The following NEB variants were observed in gnomAD, a reference collection of about 807,000 sequenced individuals.
NEB encodes nebulin.
Under a neutral mutation model 952.2 loss-of-function variants are expected in NEB, and 512 were observed. The observed-to-expected ratio is 0.54, with a 90% confidence interval of 0.50 to 0.58. The LOEUF (loss-of-function observed/expected upper bound fraction) is 0.58. Among genes scored for constraint, NEB ranks in the 20% least tolerant of loss-of-function variants. The pLI, the probability that NEB is intolerant of heterozygous loss-of-function variation, is 0.00. For missense variants in NEB, 8,428 were observed against 9,231.1 expected (o/e 0.91, Z 3.56); for synonymous variants, 2,900 against 3,149.8 (o/e 0.92, Z 2.66).
chr2:151,636,285 A>G lies in NEB; in HGVS notation c.9044T>C (p.Leu3015Ser), dbSNP rs573822094. ...CACGATGGGGATGGCGTCGCTTCGC[A>G]AGTCATAGCCTTTCTTCTTTGCTTC... Reference protein sequence around the residue: ...NEEAKKKGYDLRSDAIPIVAA... With the variant: ...NEEAKKKGYDSRSDAIPIVAA... Residue 3015 changes from leucine to serine, a missense_variant, in exon 64 of 182, where the codon TTG becomes TCG. Coordinates refer to ENST00000397345, the MANE Select transcript of NEB (RefSeq NM_001164508.2). 55 of 1,609,874 alleles carry G rather than the reference A, an allele frequency of 3.4e-5. No homozygotes were observed. In the South Asian group the frequency reaches 4.7e-4, roughly 14 times the overall value.
At chr2:151,629,446 T>G in intron 68 of NEB, 93 bp downstream of exon 68, 1 of 1,029,188 alleles carries the variant, frequency 9.7e-7, no homozygotes, top group South Asian at 1.4e-5. Context: ...AGCCAATAAA[T>G]GTGCTTAAAC....
At chr2:151,591,795 T>C (rs2097282882) in intron 95 of NEB, among the ~76,000 whole-genome samples, 1 of 152,424 alleles carries the variant, frequency 6.6e-6, no homozygotes, top group Non-Finnish European at 1.5e-5. Context: ...TCTACGTGTA[T>C]CTATAAGTTT....
rs572844231 is a variant in NEB at position 151,702,837 on chromosome 2, C to T, written c.1152+4044G>A. Among the ~76,000 whole-genome samples the T allele has an allele frequency of 7.2e-3, 1,096 of 152,074 alleles. 7 individuals carry two copies. The highest frequency in any genetic ancestry group is 0.012 in the Non-Finnish European group (827 of 67,970). On this transcript the variant is annotated intron_variant, in intron 13 of 181. Transcript: ENST00000397345. ...TCTTTATCCAATTTGCCAGTCTGTG[C>T]CTTTTAATTGGAGCATTAAGTCCAT...
At chr2:151,511,669 C>T (rs1208128818) in intron 161 of NEB, among the ~76,000 whole-genome samples, 1 of 152,170 alleles carries the variant, frequency 6.6e-6, no homozygotes, top group Admixed American at 6.5e-5. Context: ...AGACTCCTGA[C>T]CATCACTGAC....
At chr2:151,497,944 G>GTTATT (rs2061421650) in intron 170 of NEB, 2 of 1,444,072 alleles carry the variant, frequency 1.4e-6, no homozygotes, top group African/African-American at 1.4e-5. Context: ...AGTTATCCAT[G>GTTATT]TTATTTTTTT....
rs886054925 is a variant in NEB at position 151,490,411 on chromosome 2, A to G, written c.25258T>C (p.Ser8420Pro). The G allele has an allele frequency of 6.3e-7, 1 of 1,597,912 alleles. No homozygotes were observed. ...AAGACACCCCCGTCGCTGTAAGTCG[A>G]AAGGTGGTGGTCTGGTGCTTCTGAA... is the stretch of plus-strand genomic sequence containing the variant. The part of the protein sequence containing the change: ...EHSEAPDHHL[S>P]TYSDGGVFAV... Residue 8420 changes from serine to proline, a missense_variant, in exon 180 of 182, where the codon TCG becomes CCG. By Grantham distance (74) the Ser-to-Pro change is moderately conservative (BLOSUM62 -1). Around this residue, in one of 11 missense-constraint regions of NEB, gnomAD observed 3,374 missense variants for 3,651.5 expected, o/e 0.92. Coordinates refer to ENST00000397345, the MANE Select transcript of NEB (RefSeq NM_001164508.2).
intron 34 of NEB, among the ~76,000 whole-genome samples, chr2:151,675,719 T>C (rs890401289): frequency 3.3e-5 from 5 of 152,228 alleles, no homozygotes; most frequent in Admixed American, 3.3e-4. Context: ...TGTGAGTTAA[T>C]AGCTCTTCCA....
In NEB at chr2:151,576,323, C is replaced by A; in HGVS notation, c.16736G>T (p.Arg5579Leu). 1.2e-6 allele frequency: 2 copies of A among 1,608,168 alleles called. No homozygotes were observed. Among genetic ancestry groups the A allele is most frequent in the Non-Finnish European group, 1.7e-6 (2 of 1,176,258 alleles). Residue 5579 changes from arginine (R) to leucine (L), a missense_variant, in exon 106 of 182, where the codon CGT (arginine) becomes CTT (leucine). By Grantham distance (102) the Arg-to-Leu change is moderately radical (BLOSUM62 -2). Coordinates refer to ENST00000397345, the MANE Select transcript of NEB (RefSeq NM_001164508.2). Reference protein sequence around the residue: ...ALYKADLEWLRGIGWMPQGSP... With the variant: ...ALYKADLEWLLGIGWMPQGSP... ...CCCTTGGGGCATCCAGCCAATGCCA[C>A]GCAACCACTCCAAGTCAGCCTTGTA...
chr2:151,519,096 A>G (rs1468954078), intron 154 of NEB, 27 bp from the exon 155 acceptor site: 12 of 1,410,658 alleles, frequency 8.5e-6, no homozygotes, highest in Non-Finnish European at 1.1e-5. Context: ...AAGAAAGGAA[A>G]TCACGTAAAT....
In NEB at chr2:151,519,649, G is replaced by T; in HGVS notation, c.22590+9C>A. The stretch of plus-strand genomic sequence containing the variant: ...TGTTATATATTTTACCACAATTTTA[G>T]AAACATACCTCACTTGCAAGATTAT... On this transcript the variant is annotated intron_variant, in intron 154 of 181. Coordinates refer to ENST00000397345, the MANE Select transcript of NEB (RefSeq NM_001164508.2). The T allele has an allele frequency of 6.3e-7, 1 of 1,583,582 alleles. No individual in the cohort carries two copies. The highest frequency in any genetic ancestry group is 8.7e-7 in the Non-Finnish European group (1 of 1,153,250).
In NEB at chr2:151,706,990, T is replaced by C; in HGVS notation, c.1043A>G (p.Tyr348Cys). Residue 348 changes from tyrosine to cysteine, a missense_variant, in exon 13 of 182, where the codon TAC becomes TGC. Physicochemically the swap from Tyr to Cys is radical, Grantham distance 194. Around this residue, in one of 11 missense-constraint regions of NEB, gnomAD observed 2,851 missense variants for 2,791.5 expected, o/e 1.02. Transcript: ENST00000397345. ...KAGVAASKVK[Y>C]KEDYEKNKGK... ...TTTATTCTTTTCATAGTCTTCTTTG[T>C]ATTTTACCTGTAGGAGTGAAATAAA... The C allele has an allele frequency of 6.4e-7, 1 of 1,568,806 alleles. No homozygotes were observed. Among genetic ancestry groups the C allele is most frequent in the Non-Finnish European group, 8.7e-7 (1 of 1,152,532 alleles).
intron 72 of NEB, 82 bp from the exon 73 acceptor site, chr2:151,619,844 A>G: frequency 7.0e-7 from 1 of 1,433,756 alleles, no homozygotes; most frequent in Non-Finnish European, 9.5e-7. Flanking sequence ...GCTTTCTATG[A>G]AATCTTTAAG....
At chr2:151,671,294 C>G in intron 37 of NEB, 65 bp from the exon 38 acceptor site, 1 of 1,343,848 alleles carries the variant, frequency 7.4e-7, no homozygotes. Flanking sequence ...TTTCTGGGAT[C>G]TGCAATTCTA....
At chr2:151,531,655 A>G (rs1432144337) in intron 144 of NEB, 137 bp downstream of exon 144, 2 of 701,532 alleles carry the variant, frequency 2.9e-6, no homozygotes, top group Non-Finnish European at 2.6e-6. Context: ...CCTGTGCATA[A>G]CAGGACATCT....
At position 151,653,381 on chromosome 2, in the gene NEB, C is replaced by T. The variant is rs779896979; in HGVS notation, c.6915+611G>A. Among the ~76,000 whole-genome samples the T allele has an allele frequency of 4.3e-4, 66 of 152,118 alleles. 1 individual carries two copies. Among genetic ancestry groups the T allele is most frequent in the Non-Finnish European group, 2.9e-4 (20 of 68,010 alleles). On this transcript the variant is annotated intron_variant, in intron 52 of 181. Coordinates refer to ENST00000397345, the MANE Select transcript of NEB (RefSeq NM_001164508.2). ...CCTAGTTTTTCACCAGATTTGCTAC[C>T]GTTTCTAATCATAACTGGAATCTAC... is the stretch of plus-strand genomic sequence containing the variant.
rs1317101878 is a variant in NEB at position 151,725,502 on chromosome 2, T to G, written c.353A>C (p.Asp118Ala). 1.2e-6 allele frequency: 2 copies of G among 1,613,800 alleles called. No homozygotes were observed. The highest frequency in any genetic ancestry group is 3.3e-5 in the Admixed American group (2 of 60,014). The change falls in exon 6 of 182, where the codon GAT becomes GCT. Residue 118 changes from aspartate to alanine, a missense_variant. Asp to Ala is a moderately radical substitution (Grantham distance 126). Around this residue, in one of 11 missense-constraint regions of NEB, gnomAD observed 2,851 missense variants for 2,791.5 expected, o/e 1.02. Transcript: ENST00000397345. ...TTTGATTCTGCGAAGTTCTGGAGTATCTGTTGTGCTGGCGTATGGCTGTCC... is the reference window on the plus strand; with the variant it reads ...TTTGATTCTGCGAAGTTCTGGAGTAGCTGTTGTGCTGGCGTATGGCTGTCC... ...TKGQPYASTT[D>A]TPELRRIKKV...
At chr2:151,667,933 T>A (rs2099240771) in intron 39 of NEB, 22 bp from the exon 40 acceptor site, 1 of 1,577,556 alleles carries the variant, frequency 6.3e-7, no homozygotes, top group Admixed American at 1.7e-5. Context: ...TAGAGGTTAT[T>A]TTATTATTTG....
chr2:151,570,409 A>G lies in NEB; in HGVS notation c.17119-17T>C. 1.3e-6 allele frequency: 2 copies of G among 1,571,522 alleles called. No homozygotes were observed. The highest frequency in any genetic ancestry group is 2.4e-5 in the South Asian group (2 of 83,670). ...ATATTTATACTGGAGATGCAAAAAT[A>G]AAGCAGATGGGTCACAGCATGTCCT... On this transcript the variant is annotated splice_polypyrimidine_tract_variant and intron_variant, in intron 108 of 181. Coordinates refer to ENST00000397345, the MANE Select transcript of NEB (RefSeq NM_001164508.2).
chr2:151,682,082 A>C (rs1330201643), intron 29 of NEB, among the ~76,000 whole-genome samples: 1 of 152,186 alleles, frequency 6.6e-6, no homozygotes, highest in Non-Finnish European at 1.5e-5. Flanking sequence ...AATAATTTTT[A>C]AAAACCAAAT....
Sources: gnomAD v4.1 joint callset for allele counts (sites outside exome capture counted in the v4.1 genomes callset) on GRCh38, gnomAD v4.1.1 for gene constraint, gnomAD v4.1.1 regional missense constraint, MANE v1.5 for transcripts, NCBI Gene and HGNC (gene_info 2026-07-23, HGNC 2026-07-21) for gene names.